The following CDH19 variants were observed in gnomAD, a reference collection of about 807,000 sequenced individuals.
CDH19 encodes cadherin 19, also known as cadherin-19.
A neutral mutation model predicts 64.2 loss-of-function variants in CDH19; 67 were observed. That is an observed-to-expected ratio of 1.04 (90% CI 0.86 to 1.28). The LOEUF is 1.28. Ranked by LOEUF, CDH19 falls within the 50% of genes most tolerant of loss-of-function variation. The pLI is 0.00. For synonymous variants in CDH19, 346 were observed against 319.3 expected (o/e 1.08, Z -0.89); for missense variants, 1,030 against 929.0 (o/e 1.11, Z -1.41).
chr18:66,514,304 A>G (rs898587958), intron 9 of CDH19, among the ~76,000 whole-genome samples: 1 of 151,564 alleles, frequency 6.6e-6, no homozygotes, highest in Non-Finnish European at 1.5e-5. Flanking sequence ...ATGAAATTCC[A>G]AAAGCAAGTA....
chr18:66,525,033 C>T (rs891668849), intron 9 of CDH19, among the ~76,000 whole-genome samples: 4 of 152,078 alleles, frequency 2.6e-5, no homozygotes, highest in African/African-American at 4.8e-5. Flanking sequence ...CCAGAATTTA[C>T]ATTATTTAAT....
chr18:66,590,856 A>G (rs1335735082), intron 1 of CDH19, among the ~76,000 whole-genome samples: 1 of 152,004 alleles, frequency 6.6e-6, no homozygotes, highest in Non-Finnish European at 1.5e-5. Flanking sequence ...CTTCCTTGTA[A>G]GATGAAGGAG....
chr18:66,551,419 A>T (rs1987340655), intron 4 of CDH19, among the ~76,000 whole-genome samples, 161 bp from the exon 5 acceptor site: 1 of 152,072 alleles, frequency 6.6e-6, no homozygotes, highest in Non-Finnish European at 1.5e-5. Flanking sequence ...TAAATTAAAC[A>T]TCAACACTGC....
intron 1 of CDH19, among the ~76,000 whole-genome samples, chr18:66,600,104 G>C (rs754007383): frequency 1.3e-5 from 2 of 151,656 alleles, no homozygotes; most frequent in Admixed American, 6.6e-5. Flanking sequence ...CTTTCTTTTA[G>C]TACTTAAATG....
At chr18:66,544,322 C>T (rs1270466790) in intron 6 of CDH19, 98 bp from the exon 7 acceptor site, 1 of 1,140,622 alleles carries the variant, frequency 8.8e-7, no homozygotes, top group Non-Finnish European at 1.2e-6. Context: ...TCTCAGTGGC[C>T]TTTCAGTTAG....
chr18:66,592,544 A>AT (rs143678272), intron 1 of CDH19, among the ~76,000 whole-genome samples: 5,922 of 151,680 alleles, frequency 0.039, 192 homozygotes, highest in Middle Eastern at 0.095. Flanking sequence ...CTCTTCTTCC[A>AT]TTCTTTCCTT....
At chr18:66,536,905 A>C (rs576973393) in intron 7 of CDH19, among the ~76,000 whole-genome samples, 2 of 152,000 alleles carry the variant, frequency 1.3e-5, no homozygotes, top group African/African-American at 4.8e-5. Context: ...ATAAATATGT[A>C]AACAGCTGAC....
chr18:66,544,978 T>C, intron 5 of CDH19, 75 bp from the exon 6 acceptor site: 3 of 1,139,548 alleles, frequency 2.6e-6, no homozygotes, highest in South Asian at 3.6e-5. Flanking sequence ...TTTTTGTTTG[T>C]TTGTTTGTTT....
intron 1 of CDH19, among the ~76,000 whole-genome samples, chr18:66,597,024 G>A (rs983357244): frequency 7.5e-6 from 1 of 133,112 alleles, no homozygotes; most frequent in Non-Finnish European, 1.6e-5. Flanking sequence ...GGAGCTTGCA[G>A]TGAGCCGAGA....
At chr18:66,545,438 C>T (rs1351961067) in intron 5 of CDH19, among the ~76,000 whole-genome samples, 1 of 151,020 alleles carries the variant, frequency 6.6e-6, no homozygotes, top group Non-Finnish European at 1.5e-5. Flanking sequence ...CCTCTCTCTG[C>T]CCCCATATAT....
intron 9 of CDH19, among the ~76,000 whole-genome samples, chr18:66,518,336 C>T (rs959410231): frequency 2.0e-5 from 3 of 151,974 alleles, no homozygotes; most frequent in Non-Finnish European, 2.9e-5. Context: ...CAGGTTCAAG[C>T]GATTCTCCTG....
intron 8 of CDH19, among the ~76,000 whole-genome samples, chr18:66,534,300 T>C (rs1010554379): frequency 2.0e-5 from 3 of 151,934 alleles, no homozygotes; most frequent in African/African-American, 2.4e-5. Context: ...AGTGTTTCCA[T>C]AGAACTGTTC....
chr18:66,539,681 A>C (rs1446248470), intron 7 of CDH19, among the ~76,000 whole-genome samples: 1 of 151,906 alleles, frequency 6.6e-6, no homozygotes, highest in Admixed American at 6.6e-5. Context: ...ATTGTAAAGA[A>C]TTTTCATATT....
At chr18:66,531,975 G>A (rs1986460041) in intron 8 of CDH19, among the ~76,000 whole-genome samples, 1 of 151,994 alleles carries the variant, frequency 6.6e-6, no homozygotes, top group Admixed American at 6.6e-5. Flanking sequence ...CTATTATATT[G>A]TGTAGGTTTA....
chr18:66,603,926 A>C (rs1408452448), intron 1 of CDH19, 28 bp downstream of exon 1: 1 of 152,168 alleles, frequency 6.6e-6, no homozygotes. Context: ...CATGTAGTTT[A>C]TAATATGCCT....
intron 1 of CDH19, among the ~76,000 whole-genome samples, chr18:66,585,569 G>A (rs941123559): frequency 3.3e-5 from 5 of 152,088 alleles, no homozygotes; most frequent in East Asian, 1.9e-4. Flanking sequence ...AATACTGTCC[G>A]GCACGTATTA....
chr18:66,522,821 G>C (rs372337943), intron 9 of CDH19, among the ~76,000 whole-genome samples: 3 of 151,348 alleles, frequency 2.0e-5, no homozygotes, highest in East Asian at 3.9e-4. Flanking sequence ...CTTTCTATAG[G>C]GATATCTGGA....
At chr18:66,524,941 T>C (rs946120535) in intron 9 of CDH19, among the ~76,000 whole-genome samples, 13 of 152,132 alleles carry the variant, frequency 8.5e-5, no homozygotes, top group African/African-American at 3.1e-4. Flanking sequence ...CAAAGTGTTT[T>C]TCCATTTCGT....
At chr18:66,565,453 T>C (rs1302477274) in intron 3 of CDH19, among the ~76,000 whole-genome samples, 3 of 151,888 alleles carry the variant, frequency 2.0e-5, no homozygotes, top group South Asian at 2.1e-4. Flanking sequence ...GAAATATATG[T>C]AAGAAAAAGA....
Sources: gnomAD v4.1 joint callset for allele counts (sites outside exome capture counted in the v4.1 genomes callset) on GRCh38, gnomAD v4.1.1 for gene constraint, MANE v1.5 for transcripts, NCBI Gene and HGNC (gene_info 2026-07-23, HGNC 2026-07-21) for gene names.